Variants in FRMPD3 observed in about 807,000 individuals in gnomAD.
FRMPD3 encodes the protein FERM and PDZ domain-containing protein 3.
Under a neutral mutation model 97.9 loss-of-function variants are expected in FRMPD3, and 42 were observed. The observed-to-expected ratio is 0.43, with a 90% CI of 0.34 to 0.55. The LOEUF is 0.55. Ranked by LOEUF, FRMPD3 falls within the 20% of genes least tolerant of loss-of-function variation. The pLI is 0.03. For missense variants in FRMPD3, 1,303 were observed against 1,457.7 expected, an observed-to-expected ratio of 0.89 and a Z score of 1.73; for synonymous variants, 577 against 581.1, an observed-to-expected ratio of 0.99 and a Z score of 0.10.
intron 14 of FRMPD3, 139 bp from the exon 15 acceptor site, chrX:107,600,164 G>A (rs1222357915): frequency 4.1e-6 from 3 of 738,636 alleles, no homozygotes; most frequent in Non-Finnish European, 5.7e-6. Flanking sequence ...TTTCGTATCA[G>A]GGACTTGAGC....
intron 1 of FRMPD3, among the ~76,000 whole-genome samples, chrX:107,511,920 G>A (rs779503370): frequency 5.2e-4 from 58 of 111,745 alleles, no homozygotes; most frequent in African/African-American, 1.8e-3. Context: ...GTTCACTGAG[G>A]GGAAGAATTC....
chrX:107,575,474 G>A (rs1017500472), intron 12 of FRMPD3, among the ~76,000 whole-genome samples: 1 of 106,648 alleles, frequency 9.4e-6, no homozygotes, highest in East Asian at 2.9e-4. Flanking sequence ...TTTTTTAGAC[G>A]AAGTCTCACT....
chrX:107,558,365 G>A (rs967228981), intron 8 of FRMPD3, among the ~76,000 whole-genome samples: 6 of 111,088 alleles, frequency 5.4e-5, no homozygotes, highest in Non-Finnish European at 1.1e-4. Flanking sequence ...GTTGGCTCAC[G>A]TCTGTAATTG....
At chrX:107,572,908 C>CTACTACTAATAATAATAA (rs796610991) in intron 12 of FRMPD3, among the ~76,000 whole-genome samples, 4 of 100,999 alleles carry the variant, frequency 4.0e-5, no homozygotes, top group African/African-American at 1.5e-4. Context: ...ACTACTACTA[C>CTACTACTAATAATAATAA]TAATAATAAT....
rs183873792 is a variant in FRMPD3 at position 107,592,067 on chromosome X, C to T, written c.1442-5254C>T. On this transcript the variant is annotated intron_variant, in intron 13 of 14. Coordinates refer to ENST00000683843, the MANE Select transcript of FRMPD3 (RefSeq NM_001388459.1). ...GTGTACCCTGTACCCAGTGTGTAAT[C>T]ATCTTTTATTCCTCACCCCCTCCCG... 5.4e-4 allele frequency among the ~76,000 whole-genome samples: 46 copies of T among 85,740 alleles called. No individual in the cohort carries two copies. The East Asian group carries it at 0.014, about 26-fold the overall frequency. The allele number at this position is 85,740 out of a possible 115,157, so 74.5% of individuals were successfully genotyped here.
At chrX:107,464,874 G>C (rs1051371254) in intron 1 of FRMPD3, among the ~76,000 whole-genome samples, 2 of 111,677 alleles carry the variant, frequency 1.8e-5, no homozygotes, top group African/African-American at 6.5e-5. Flanking sequence ...ATCTGGTCAG[G>C]ACACTTAATA....
At chrX:107,535,090 G>A (rs189566411) in intron 4 of FRMPD3, among the ~76,000 whole-genome samples, 26 of 112,067 alleles carry the variant, frequency 2.3e-4, no homozygotes, top group Admixed American at 4.7e-4. Flanking sequence ...CATGCTTGAT[G>A]TGTGGTTAGA....
At chrX:107,571,679 T>C (rs1922893487) in intron 12 of FRMPD3, among the ~76,000 whole-genome samples, 1 of 112,262 alleles carries the variant, frequency 8.9e-6, no homozygotes, top group Admixed American at 9.4e-5. Context: ...ATTCTGTCCA[T>C]TAGCCAGCCA....
At chrX:107,591,903 A>G (rs1215467114) in intron 13 of FRMPD3, among the ~76,000 whole-genome samples, 1 of 112,094 alleles carries the variant, frequency 8.9e-6, no homozygotes, top group Non-Finnish European at 1.9e-5. Context: ...TTTGTGTTAC[A>G]AACAATCCAA....
At chrX:107,530,329 C>T in intron 2 of FRMPD3, 80 bp from the exon 3 acceptor site, 1 of 754,601 alleles carries the variant, frequency 1.3e-6, no homozygotes, top group Non-Finnish European at 2.0e-6. Flanking sequence ...TCAGCTCCTA[C>T]AGGCACAGGG....
At chrX:107,509,667 T>G (rs771584846) in intron 1 of FRMPD3, among the ~76,000 whole-genome samples, 4 of 111,290 alleles carry the variant, frequency 3.6e-5, no homozygotes, top group Admixed American at 9.5e-5. Context: ...GGAATGTCCT[T>G]CTCACCTTTG....
chrX:107,577,711 A>T (rs1923194017), intron 13 of FRMPD3, among the ~76,000 whole-genome samples: 1 of 110,900 alleles, frequency 9.0e-6, no homozygotes, highest in African/African-American at 3.3e-5. Flanking sequence ...TTGAGAGCAG[A>T]CACATACTCC....
intron 1 of FRMPD3, among the ~76,000 whole-genome samples, chrX:107,485,694 C>A (rs1020842419): frequency 3.6e-5 from 4 of 111,824 alleles, no homozygotes; most frequent in Non-Finnish European, 7.5e-5. Flanking sequence ...GGAGCTGTGA[C>A]CACCTGGTCC....
At chrX:107,569,578 T>G (rs908097572) in intron 12 of FRMPD3, among the ~76,000 whole-genome samples, 5 of 111,033 alleles carry the variant, frequency 4.5e-5, no homozygotes, top group African/African-American at 1.3e-4. Context: ...GTGCTGGAGC[T>G]GGCTCACACA....
intron 12 of FRMPD3, among the ~76,000 whole-genome samples, chrX:107,565,304 T>C (rs1922553536): frequency 8.9e-6 from 1 of 111,992 alleles, no homozygotes; most frequent in Non-Finnish European, 1.9e-5. Context: ...CAGATCAGCC[T>C]GAGACAGTTC....
At chrX:107,559,286 G>A (rs1922245095) in intron 8 of FRMPD3, among the ~76,000 whole-genome samples, 1 of 111,535 alleles carries the variant, frequency 9.0e-6, no homozygotes, top group Admixed American at 9.6e-5. Flanking sequence ...CATTTTAATT[G>A]TATTAGGCAT....
chrX:107,578,175 C>G (rs183539733), intron 13 of FRMPD3, among the ~76,000 whole-genome samples: 1 of 111,988 alleles, frequency 8.9e-6, no homozygotes, highest in African/African-American at 3.2e-5. Flanking sequence ...AAGTGAAGAA[C>G]CTGGAGCCCA....
At chrX:107,596,455 A>G (rs1038437439) in intron 13 of FRMPD3, among the ~76,000 whole-genome samples, 2 of 112,175 alleles carry the variant, frequency 1.8e-5, no homozygotes, top group African/African-American at 6.5e-5. Flanking sequence ...TCTCACAGAT[A>G]AAATGGGGAA....
chrX:107,511,475 G>C (rs1046965049), intron 1 of FRMPD3, among the ~76,000 whole-genome samples: 3 of 112,635 alleles, frequency 2.7e-5, no homozygotes, highest in Non-Finnish European at 5.6e-5. Context: ...CCAACTCTGA[G>C]ATTCTCCAGG....
Sources: gnomAD v4.1 joint callset for allele counts (sites outside exome capture counted in the v4.1 genomes callset) on GRCh38, gnomAD v4.1.1 for gene constraint, MANE v1.5 for transcripts, NCBI Gene and HGNC (gene_info 2026-07-23, HGNC 2026-07-21) for gene names.